The following KCNA3 variants were observed in gnomAD, a reference collection of about 807,000 sequenced individuals.
The protein encoded by KCNA3 is potassium voltage-gated channel subfamily A member 3, also known as RP11-284N8.3.
Under a neutral mutation model 34.3 loss-of-function variants are expected in KCNA3, and 18 were observed. The ratio of observed to expected loss-of-function variants is 0.52; its 90% confidence interval spans 0.36 to 0.78. The LOEUF (loss-of-function observed/expected upper bound fraction) is 0.78. KCNA3 is among the 30% of genes least tolerant of loss of function. The pLI, the probability that KCNA3 is intolerant of heterozygous loss-of-function variation, is 0.00. For missense variants in KCNA3, 587 were observed against 802.5 expected (o/e 0.73, Z 3.24); for synonymous variants, 324 against 351.7 (o/e 0.92, Z 0.88).
the KCNA3 span, chr1:110,654,148 A>AT: frequency 6.6e-6 from 1 of 152,204 alleles, no homozygotes; most frequent in Admixed American, 6.5e-5. Flanking sequence ...AAGCAGTCAT[A>AT]TTTTAACTGG....
chr1:110,674,571 C>T lies in KCNA3; in HGVS notation c.239G>A (p.Gly80Asp). 2 of 1,570,810 alleles carry T rather than the reference C, an allele frequency of 1.3e-6. No individual in the cohort carries two copies. The highest frequency in any genetic ancestry group is 1.7e-6 in the Non-Finnish European group (2 of 1,161,288). Reference protein sequence around the residue: ...GGAPPQGGCGGGGCDRYEPLP... With the variant: ...GGAPPQGGCGDGGCDRYEPLP... ...CGGCTCGTAGCGGTCGCAGCCGCCG[C>T]CGCCACAGCCGCCTTGAGGCGGGGC... Residue 80 changes from glycine (G) to aspartate (D), a missense_variant, in exon 1 of 1, where the codon GGC (glycine) becomes GAC (aspartate). By Grantham distance (94) the Gly-to-Asp change is moderately conservative. This residue lies in a region of KCNA3 where 341 missense variants were observed against 355.4 expected (regional missense o/e 0.96). Coordinates refer to ENST00000369769, the MANE Select transcript of KCNA3 (RefSeq NM_002232.5). The surrounding 1 kb of genome is among the most constrained non-coding windows in gnomAD (Gnocchi z 6.4).
the KCNA3 span, among the ~76,000 whole-genome samples, chr1:110,661,088 C>G: frequency 6.6e-6 from 1 of 152,026 alleles, no homozygotes; most frequent in African/African-American, 2.4e-5. Context: ...GCTATAAACC[C>G]AGCTCTGGGT....
downstream of KCNA3, among the ~76,000 whole-genome samples, chr1:110,672,015 GACTTA>G (rs1029075521): frequency 1.6e-4 from 25 of 152,248 alleles, no homozygotes; most frequent in African/African-American, 5.5e-4. Context: ...TAGAGTCTCA[GACTTA>G]ACTTTATTTT....
rs897802620 is a variant in KCNA3, at chr1:110,673,617, A to C, written c.1193T>G (p.Leu398Arg). The C allele has an allele frequency of 6.2e-7, 1 of 1,614,088 alleles. No individual in the cohort carries two copies. The highest frequency in any genetic ancestry group is 1.3e-5 in the African/African-American group (1 of 74,938). ...GQTLKASMRELGLLIFFLFIG... is the reference protein window; with the variant it reads ...GQTLKASMRERGLLIFFLFIG... ...AAAGAGGAAGAAGATGAGCAATCCC[A>C]GCTCCCGCATGGACGCCTTCAGCGT... is the stretch of plus-strand genomic sequence containing the variant. Residue 398 changes from leucine (L) to arginine (R), a missense_variant, in exon 1 of 1, where the codon CTG becomes CGG. Around this residue, in one of 7 missense-constraint regions of KCNA3, gnomAD observed 84 missense variants for 223.1 expected, o/e 0.38. Coordinates refer to ENST00000369769, the MANE Select transcript of KCNA3 (RefSeq NM_002232.5). This position sits in a 1 kb window ranked among gnomAD's most constrained non-coding sequence, Gnocchi z 8.8.
chr1:110,673,963 C>A lies in KCNA3; in HGVS notation c.847G>T (p.Gly283Trp). The change falls in exon 1 of 1, where the codon GGG becomes TGG. Residue 283 changes from glycine (G) to tryptophan (W), a missense_variant. By Grantham distance (184) the Gly-to-Trp change is radical. This residue lies in a region of KCNA3 where 50 missense variants were observed against 45.3 expected (regional missense o/e 1.10). Transcript: ENST00000369769. This position sits in a 1 kb window ranked among gnomAD's most constrained non-coding sequence, Gnocchi z 8.8. The stretch of plus-strand genomic sequence containing the variant: ...AAGCTGGAGGCTCCTGCGCGGGACC[C>A]CGACGTGCTGTTGCCGGCTGCTTCG... ...SFEAAGNSTS[G>W]SRAGASSFSD... 6.2e-7 allele frequency: 1 copy of A among 1,613,930 alleles called. No individual in the cohort carries two copies. The highest frequency in any genetic ancestry group is 1.3e-5 in the African/African-American group (1 of 75,030).
chr1:110,665,806 A>G, the KCNA3 span, among the ~76,000 whole-genome samples: 1 of 152,130 alleles, frequency 6.6e-6, no homozygotes, highest in Non-Finnish European at 1.5e-5. Context: ...CTTCTTAGGA[A>G]GAGGTAGCTG....
chr1:110,654,951 A>C, the KCNA3 span: 1 of 152,134 alleles, frequency 6.6e-6, no homozygotes, highest in Admixed American at 6.6e-5. Context: ...AAATTATGTG[A>C]ATGATCTTTG....
chr1:110,674,080 TGACCA>T lies in KCNA3; in HGVS notation c.725_729del (p.Leu242HisfsTer76). On this transcript the variant is annotated frameshift_variant, in exon 1 of 1. Transcript: ENST00000369769. LOFTEE classifies it high-confidence loss of function. The surrounding 1 kb of genome is among the most constrained non-coding windows in gnomAD (Gnocchi z 6.4). Reference sequence around the variant, plus strand: ...CAGAAGATGACAATGGAGATGAGGATGACCAGCACGGACACGATGGCGATGCCCCG... The same window carrying T: ...CAGAAGATGACAATGGAGATGAGGATGCACGGACACGATGGCGATGCCCCG... 6.2e-7 allele frequency: 1 copy of T among 1,608,498 alleles called. No individual in the cohort carries two copies. The highest frequency in any genetic ancestry group is 1.1e-5 in the South Asian group (1 of 90,264).
At chr1:110,665,519 C>T in the KCNA3 span, among the ~76,000 whole-genome samples, 25 of 152,064 alleles carry the variant, frequency 1.6e-4, no homozygotes, top group Middle Eastern at 3.4e-3. Context: ...GGGAGAAGGA[C>T]GGAAGCTCAG....
In KCNA3 at chr1:110,674,579, G is replaced by A; in HGVS notation, c.231C>T (p.Gly77=). 1 of 1,573,226 alleles carries A rather than the reference G, an allele frequency of 6.4e-7. No individual in the cohort carries two copies. Among genetic ancestry groups the A allele is most frequent in the Non-Finnish European group, 8.6e-7 (1 of 1,162,326 alleles). Residue 77 remains glycine (G), a synonymous_variant, in exon 1 of 1, where the codon GGC becomes GGT. Transcript: ENST00000369769. The surrounding 1 kb of genome is among the most constrained non-coding windows in gnomAD (Gnocchi z 6.4). ...AGCGGTCGCAGCCGCCGCCGCCACAGCCGCCTTGAGGCGGGGCCCCTCCAC... is the reference window on the plus strand; with the variant it reads ...AGCGGTCGCAGCCGCCGCCGCCACAACCGCCTTGAGGCGGGGCCCCTCCAC... ...ADGGGAPPQG[G]CGGGGCDRYE...
chr1:110,654,447 T>C, the KCNA3 span: 5 of 152,160 alleles, frequency 3.3e-5, no homozygotes, highest in African/African-American at 1.2e-4. Context: ...TTGGATTGAT[T>C]ACTGCTTTAT....
the KCNA3 span, among the ~76,000 whole-genome samples, chr1:110,663,662 A>G: frequency 2.0e-5 from 3 of 152,158 alleles, no homozygotes; most frequent in African/African-American, 7.2e-5. Flanking sequence ...TGGTCATATC[A>G]ATGCTTTAGT....
In KCNA3 at chr1:110,674,795, G is replaced by A; in HGVS notation, c.15C>T (p.Leu5=). The change falls in exon 1 of 1, where the codon CTC becomes CTT. Residue 5 remains leucine (L), a synonymous_variant. Transcript: ENST00000369769. The surrounding 1 kb of genome is among the most constrained non-coding windows in gnomAD (Gnocchi z 6.4). MDER[L]SLLRSPPPPS... ...GCGGCGGCGGCGAGCGCAGAAGGCT[G>A]AGGCGCTCGTCCATGCGGCGGGGAA... 1.5e-6 allele frequency: 2 copies of A among 1,324,496 alleles called. No homozygotes were observed. Among genetic ancestry groups the A allele is most frequent in the Non-Finnish European group, 1.9e-6 (2 of 1,043,842 alleles). The allele number at this position is 1,324,496 out of a possible 1,614,324, so 82.0% of individuals were successfully genotyped here.
chr1:110,670,875 T>G (rs996448871), downstream of KCNA3, among the ~76,000 whole-genome samples: 1 of 152,154 alleles, frequency 6.6e-6, no homozygotes, highest in Non-Finnish European at 1.5e-5. Flanking sequence ...ATAAATGTAC[T>G]CCTAACTGAA....
chr1:110,672,943 G>C lies in KCNA3; in HGVS notation c.*139C>G, dbSNP rs1651940485. 1.2e-6 allele frequency: 1 copy of C among 846,288 alleles called. No homozygotes were observed. Among genetic ancestry groups the C allele is most frequent in the Non-Finnish European group, 1.8e-6 (1 of 543,684 alleles). 52.4% of individuals were successfully genotyped at this position (846,288 alleles called of 1,614,324 possible). On this transcript the variant is annotated 3_prime_UTR_variant, in exon 1 of 1. Coordinates refer to ENST00000369769, the MANE Select transcript of KCNA3 (RefSeq NM_002232.5). ...TTTCAGTATGAAGCAGCAGGGAGAG[G>C]GAGAATGAAGTGTGCTTTCCACTTC...
chr1:110,655,455 T>C, the KCNA3 span: 11 of 152,134 alleles, frequency 7.2e-5, no homozygotes, highest in African/African-American at 2.7e-4. Context: ...TCACAAATTG[T>C]TGTAAGATAC....
chr1:110,658,403 T>C, the KCNA3 span, among the ~76,000 whole-genome samples: 1 of 152,202 alleles, frequency 6.6e-6, no homozygotes. Context: ...AGGTATATTT[T>C]GAAACTAAAA....
chr1:110,674,232 G>A lies in KCNA3; in HGVS notation c.578C>T (p.Ala193Val). ...EIRFYQLGEE[A>V]MEKFREDEGF... ...CTCGTCCTCGCGGAACTTCTCCATG[G>A]CCTCCTCGCCCAGCTGGTAGAAGCG... The change falls in exon 1 of 1, where the codon GCC becomes GTC. Residue 193 changes from alanine to valine, a missense_variant. Around this residue, in one of 7 missense-constraint regions of KCNA3, gnomAD observed 341 missense variants for 355.4 expected, o/e 0.96. Transcript: ENST00000369769. This position sits in a 1 kb window ranked among gnomAD's most constrained non-coding sequence, Gnocchi z 6.4. 1.2e-6 allele frequency: 2 copies of A among 1,613,876 alleles called. No individual in the cohort carries two copies. Among genetic ancestry groups the A allele is most frequent in the Non-Finnish European group, 1.7e-6 (2 of 1,179,852 alleles).
At chr1:110,664,991 G>A in the KCNA3 span, among the ~76,000 whole-genome samples, 1 of 152,174 alleles carries the variant, frequency 6.6e-6, no homozygotes, top group Admixed American at 6.5e-5. Flanking sequence ...AGAAGATCAA[G>A]GTGGCCAGTG....
Sources: gnomAD v4.1 joint callset for allele counts (sites outside exome capture counted in the v4.1 genomes callset) on GRCh38, gnomAD v4.1.1 for gene constraint, gnomAD v4.1.1 regional missense constraint, Gnocchi (gnomAD v3.1) non-coding constraint, MANE v1.5 for transcripts, NCBI Gene and HGNC (gene_info 2026-07-23, HGNC 2026-07-21) for gene names.